EDIL3: variants seen among roughly 807,000 people sequenced by gnomAD.
The protein encoded by EDIL3 is EGF-like repeat and discoidin I-like domain-containing protein 3.
In EDIL3, 37 loss-of-function variants were observed where a neutral mutation model predicts 67.4. The ratio of observed to expected loss-of-function variants is 0.55; its 90% CI spans 0.42 to 0.72. The LOEUF is 0.72. EDIL3 is among the 30% of genes least tolerant of loss of function. The pLI is 0.00. For missense variants in EDIL3, 527 were observed against 586.3 expected, an observed-to-expected ratio of 0.90 and a Z score of 1.04; for synonymous variants, 195 against 196.3, an observed-to-expected ratio of 0.99 and a Z score of 0.05.
intron 1 of EDIL3, among the ~76,000 whole-genome samples, chr5:84,330,410 AC>A (rs1260091646): frequency 6.6e-6 from 1 of 152,172 alleles, no homozygotes; most frequent in Non-Finnish European, 1.5e-5. Flanking sequence ...GGTATACTCA[AC>A]ATCTTTTTAA....
At chr5:84,057,260 GGAGGCTCACAC>G (rs1746464190) in intron 9 of EDIL3, among the ~76,000 whole-genome samples, 1 of 152,108 alleles carries the variant, frequency 6.6e-6, no homozygotes, top group Non-Finnish European at 1.5e-5. Context: ...AGTGATAGAT[GGAGGCTCACAC>G]TGAAGATTAT....
At chr5:84,117,033 T>A (rs973703019) in intron 5 of EDIL3, among the ~76,000 whole-genome samples, 2 of 137,126 alleles carry the variant, frequency 1.5e-5, no homozygotes, top group Admixed American at 7.4e-5. Context: ...TTTTTTTTTT[T>A]TTTTTTTTTT....
intron 3 of EDIL3, among the ~76,000 whole-genome samples, chr5:84,211,997 G>A (rs891319580): frequency 6.6e-6 from 1 of 152,170 alleles, no homozygotes; most frequent in African/African-American, 2.4e-5. Context: ...AATTGAAACT[G>A]CTGTGCTGTT....
chr5:84,084,064 A>G (rs1747025379), intron 6 of EDIL3, among the ~76,000 whole-genome samples: 1 of 152,178 alleles, frequency 6.6e-6, no homozygotes, highest in Non-Finnish European at 1.5e-5. Flanking sequence ...ACAACTTCTT[A>G]ATAAGGTAGG....
intron 4 of EDIL3, among the ~76,000 whole-genome samples, chr5:84,155,370 A>G (rs1748472203): frequency 6.6e-6 from 1 of 152,190 alleles, no homozygotes; most frequent in Admixed American, 6.5e-5. Context: ...CTTTTGAGTT[A>G]ACCTGTTACA....
intron 4 of EDIL3, among the ~76,000 whole-genome samples, chr5:84,151,705 T>C (rs1014699772): frequency 1.3e-5 from 2 of 152,158 alleles, no homozygotes; most frequent in Admixed American, 6.5e-5. Flanking sequence ...TCATTGACTA[T>C]CAGAAATCTG....
At chr5:83,948,448 C>A (rs1439566803) in intron 10 of EDIL3, among the ~76,000 whole-genome samples, 1 of 151,602 alleles carries the variant, frequency 6.6e-6, no homozygotes, top group Non-Finnish European at 1.5e-5. Context: ...ATGCATGAAT[C>A]ACGTCAAACA....
chr5:84,235,125 G>T (rs1405100563), intron 2 of EDIL3, among the ~76,000 whole-genome samples: 2 of 152,148 alleles, frequency 1.3e-5, no homozygotes, highest in African/African-American at 4.8e-5. Context: ...GGTTAATTTG[G>T]TTTTTGTTTT....
chr5:84,133,973 T>G (rs1236201740), intron 5 of EDIL3, among the ~76,000 whole-genome samples: 1 of 151,918 alleles, frequency 6.6e-6, no homozygotes, highest in Admixed American at 6.6e-5. Flanking sequence ...TACAGGAAAC[T>G]TTTTTTGCCT....
At chr5:84,114,113 C>T (rs1047906014) in intron 5 of EDIL3, among the ~76,000 whole-genome samples, 1 of 149,162 alleles carries the variant, frequency 6.7e-6, no homozygotes, top group Non-Finnish European at 1.5e-5. Context: ...TACTCTTTCT[C>T]ACGCTGTGGC....
chr5:84,329,574 C>T (rs1230882475), intron 1 of EDIL3, among the ~76,000 whole-genome samples: 1 of 151,942 alleles, frequency 6.6e-6, no homozygotes, highest in Non-Finnish European at 1.5e-5. Context: ...GAATATACCA[C>T]CTGTTGTGTA....
intron 5 of EDIL3, among the ~76,000 whole-genome samples, chr5:84,110,138 T>C (rs1282167914): frequency 6.6e-6 from 1 of 152,188 alleles, no homozygotes; most frequent in African/African-American, 2.4e-5. Context: ...CCAATAAATA[T>C]GCACTGAACG....
At chr5:83,944,041 A>G (rs936766523) in intron 10 of EDIL3, among the ~76,000 whole-genome samples, 2 of 151,998 alleles carry the variant, frequency 1.3e-5, no homozygotes, top group Non-Finnish European at 2.9e-5. Flanking sequence ...GAGAACAAGC[A>G]TGGAAGCAGC....
rs78660965 is a variant in EDIL3 at position 83,946,670 on chromosome 5, C to A, written c.1294-3102G>T. ...TACCATTCTTTGTTAGGACTACGGT[C>A]TATTCAGGCCGGTATAGACATCAAT... On this transcript the variant is annotated intron_variant, in intron 10 of 10. Coordinates refer to ENST00000296591, the MANE Select transcript of EDIL3 (RefSeq NM_005711.5). Among the ~76,000 whole-genome samples the A allele has an allele frequency of 4.6e-3, 705 of 151,910 alleles. 3 individuals are homozygous for A. The highest frequency in any genetic ancestry group is 8.0e-3 in the Non-Finnish European group (546 of 67,882).
At chr5:84,346,861 A>G (rs1298401524) in intron 1 of EDIL3, among the ~76,000 whole-genome samples, 1 of 152,196 alleles carries the variant, frequency 6.6e-6, no homozygotes, top group African/African-American at 2.4e-5. Flanking sequence ...CCAACACAGA[A>G]CCAAGAGATG....
intron 9 of EDIL3, among the ~76,000 whole-genome samples, chr5:84,052,985 C>T (rs550017602): frequency 6.6e-6 from 1 of 152,282 alleles, no homozygotes; most frequent in South Asian, 2.1e-4. Context: ...AACTCTCCAC[C>T]CCAAATCAAC....
At chr5:84,033,360 T>G (rs924872644) in intron 9 of EDIL3, among the ~76,000 whole-genome samples, 5 of 152,210 alleles carry the variant, frequency 3.3e-5, no homozygotes. Flanking sequence ...ATTTTTTTTC[T>G]AACGTAACTT....
chr5:84,095,644 G>T (rs1400704707), intron 6 of EDIL3, among the ~76,000 whole-genome samples: 1 of 152,182 alleles, frequency 6.6e-6, no homozygotes, highest in African/African-American at 2.4e-5. Context: ...GAGCTGTATT[G>T]GGTGCTGTTA....
rs1580094135 is a variant in EDIL3 at position 84,349,931 on chromosome 5, T to G, written c.67+34377A>C. Among the ~76,000 whole-genome samples, 3 of 152,176 alleles carry G rather than the reference T, an allele frequency of 2.0e-5. No individual in the cohort carries two copies. The East Asian group carries it at 5.8e-4, about 29-fold the overall frequency. ...ACTGTTCCAAAAACTTTATCAATAT[T>G]AACTTGCTTAATCCTTATAACAGCT... On this transcript the variant is annotated intron_variant, in intron 1 of 10. Coordinates refer to ENST00000296591, the MANE Select transcript of EDIL3 (RefSeq NM_005711.5).
Sources: allele counts gnomAD v4.1 joint callset (sites outside exome capture counted in the v4.1 genomes callset), GRCh38; gene constraint gnomAD v4.1.1; transcripts MANE v1.5; gene names NCBI Gene and HGNC (gene_info 2026-07-23, HGNC 2026-07-21).